Variants in LRRC72 observed in about 807,000 individuals in gnomAD.
LRRC72 encodes the protein leucine-rich repeat-containing protein 72.
A neutral mutation model predicts 35.8 loss-of-function variants in LRRC72; 41 were observed. The observed-to-expected ratio is 1.15, with a 90% CI of 0.89 to 1.49. The LOEUF (loss-of-function observed/expected upper bound fraction) is 1.49. LRRC72 is among the 40% of genes most tolerant of loss of function. The probability of loss-of-function intolerance (pLI) is 0.00; values close to 1 mark genes in which losing one functional copy is unlikely to be tolerated. For synonymous variants in LRRC72, 118 were observed against 119.2 expected, an observed-to-expected ratio of 0.99 and a Z score of 0.07; for missense variants, 389 against 330.7, an observed-to-expected ratio of 1.18 and a Z score of -1.37.
intron 8 of LRRC72, among the ~76,000 whole-genome samples, chr7:16,580,793 C>T (rs1783129891): frequency 6.6e-6 from 1 of 152,010 alleles, no homozygotes; most frequent in Admixed American, 6.6e-5. Context: ...TTTACATTTC[C>T]AAAAGCAAGC....
chr7:16,553,343 G>C (rs1446941866), intron 3 of LRRC72, among the ~76,000 whole-genome samples: 1 of 152,132 alleles, frequency 6.6e-6, no homozygotes. Context: ...TGTTCACTCT[G>C]CTACTACTTA....
intron 3 of LRRC72, among the ~76,000 whole-genome samples, chr7:16,554,595 C>T (rs1317238901): frequency 2.0e-5 from 3 of 152,082 alleles, no homozygotes; most frequent in East Asian, 1.9e-4. Flanking sequence ...CCCTGTAAAT[C>T]GGCCATTTTC....
chr7:16,574,928 C>T (rs1400243930), intron 7 of LRRC72, among the ~76,000 whole-genome samples: 3 of 151,960 alleles, frequency 2.0e-5, no homozygotes, highest in Admixed American at 2.0e-4. Context: ...CCAGCCTGGC[C>T]AATATGGTTA....
At chr7:16,572,060 A>G (rs1055117806) in intron 7 of LRRC72, among the ~76,000 whole-genome samples, 2 of 152,224 alleles carry the variant, frequency 1.3e-5, no homozygotes, top group Non-Finnish European at 2.9e-5. Context: ...TTCCCCTCAC[A>G]GTGTTAACAA....
chr7:16,538,229 T>G (rs562529938), intron 3 of LRRC72, among the ~76,000 whole-genome samples: 1 of 152,334 alleles, frequency 6.6e-6, no homozygotes, highest in East Asian at 1.9e-4. Context: ...GCTGTTTTCC[T>G]TCCTTCTTAT....
intron 4 of LRRC72, among the ~76,000 whole-genome samples, chr7:16,558,365 T>G (rs1206676619): frequency 3.3e-5 from 5 of 152,152 alleles, no homozygotes; most frequent in African/African-American, 1.2e-4. Flanking sequence ...TCCCAGCAGT[T>G]TGGGAGGCCT....
chr7:16,552,814 G>C (rs1437844278), intron 3 of LRRC72, among the ~76,000 whole-genome samples: 4 of 152,144 alleles, frequency 2.6e-5, no homozygotes, highest in Admixed American at 1.3e-4. Context: ...AGCTGCGCTG[G>C]ACAGTTCAGC....
chr7:16,561,301 T>C (rs1782740327), intron 5 of LRRC72, among the ~76,000 whole-genome samples: 1 of 152,206 alleles, frequency 6.6e-6, no homozygotes. Flanking sequence ...AACTCTATAA[T>C]TTAAGGAAAC....
At chr7:16,577,942 C>G (rs192311727) in intron 7 of LRRC72, among the ~76,000 whole-genome samples, 81 of 152,264 alleles carry the variant, frequency 5.3e-4, no homozygotes, top group Non-Finnish European at 1.2e-4. Flanking sequence ...TCGTTCAACT[C>G]TCTTGGATGA....
In LRRC72 at chr7:16,550,344, T is replaced by C. The variant is rs551958327; in HGVS notation, c.235-7016T>C. On this transcript the variant is annotated intron_variant, in intron 3 of 8. Transcript: ENST00000401542. ...AAATCGATGTTCTTCTTAGACAATA[T>C]GGGGTATTTATTCTTTCTGACTGCT... is the stretch of plus-strand genomic sequence containing the variant. 7.9e-5 allele frequency among the ~76,000 whole-genome samples: 12 copies of C among 152,252 alleles called. No homozygotes were observed. In the South Asian group the frequency reaches 2.5e-3, roughly 32 times the overall value.
intron 5 of LRRC72, among the ~76,000 whole-genome samples, chr7:16,560,304 C>T (rs1421302179): frequency 1.3e-5 from 2 of 152,080 alleles, no homozygotes; most frequent in African/African-American, 4.8e-5. Flanking sequence ...GATAAATGTA[C>T]AGAGAGTTAC....
intron 3 of LRRC72, among the ~76,000 whole-genome samples, chr7:16,540,855 T>C (rs1439673997): frequency 6.6e-6 from 1 of 152,144 alleles, no homozygotes; most frequent in Non-Finnish European, 1.5e-5. Flanking sequence ...GAACTGTGAG[T>C]TAATTAAACC....
At chr7:16,542,550 AT>A in intron 3 of LRRC72, among the ~76,000 whole-genome samples, 1 of 152,184 alleles carries the variant, frequency 6.6e-6, no homozygotes, top group East Asian at 1.9e-4. Flanking sequence ...ACATCGATCA[AT>A]TTTCCACCTG....
At chr7:16,563,075 A>G (rs1359931984) in intron 5 of LRRC72, among the ~76,000 whole-genome samples, 1 of 152,108 alleles carries the variant, frequency 6.6e-6, no homozygotes, top group Non-Finnish European at 1.5e-5. Flanking sequence ...ACTTCCTTCC[A>G]CAGGCCGTTC....
chr7:16,576,976 C>A (rs554734889), intron 7 of LRRC72, among the ~76,000 whole-genome samples: 1 of 152,292 alleles, frequency 6.6e-6, no homozygotes, highest in South Asian at 2.1e-4. Context: ...AGGCAGGACA[C>A]AATCCAGAGA....
intron 3 of LRRC72, among the ~76,000 whole-genome samples, chr7:16,541,944 G>GACAGACACACACACACACACACAC (rs1554393676): frequency 2.0e-5 from 3 of 149,364 alleles, no homozygotes; most frequent in African/African-American, 7.4e-5. Flanking sequence ...CAGACAGACA[G>GACAGACACACACACACACACACAC]ACACACACAC....
At chr7:16,540,661 A>T (rs554963554) in intron 3 of LRRC72, among the ~76,000 whole-genome samples, 3 of 152,284 alleles carry the variant, frequency 2.0e-5, no homozygotes, top group African/African-American at 7.2e-5. Flanking sequence ...TGATTGGATC[A>T]TGGGGGCAGT....
intron 3 of LRRC72, among the ~76,000 whole-genome samples, chr7:16,552,726 C>T (rs1195255863): frequency 6.6e-6 from 1 of 152,148 alleles, no homozygotes; most frequent in Non-Finnish European, 1.5e-5. Flanking sequence ...TCGAGAAGAA[C>T]CCAGAAAACT....
intron 3 of LRRC72, among the ~76,000 whole-genome samples, chr7:16,541,105 T>G (rs1375442830): frequency 6.6e-6 from 1 of 152,114 alleles, no homozygotes; most frequent in Non-Finnish European, 1.5e-5. Context: ...GCCTGAGTGT[T>G]GGAATCAAAG....
Sources: gnomAD v4.1 joint callset for allele counts (sites outside exome capture counted in the v4.1 genomes callset) on GRCh38, gnomAD v4.1.1 for gene constraint, MANE v1.5 for transcripts, NCBI Gene and HGNC (gene_info 2026-07-23, HGNC 2026-07-21) for gene names.